The following KLF15 variants were observed in gnomAD, a reference collection of about 807,000 sequenced individuals.
The protein encoded by KLF15 is Krueppel-like factor 15.
Under a neutral mutation model 24.6 loss-of-function variants are expected in KLF15, and 4 were observed. That is an observed-to-expected ratio of 0.16 (90% confidence interval 0.08 to 0.37). The LOEUF is 0.37. Ranked by LOEUF, KLF15 falls within the 10% of genes least tolerant of loss-of-function variation. The probability of loss-of-function intolerance (pLI) is 1.00; values close to 1 mark genes in which losing one functional copy is unlikely to be tolerated. For synonymous variants in KLF15, 246 were observed against 236.3 expected, an observed-to-expected ratio of 1.04 and a Z score of -0.37; for missense variants, 496 against 560.6, an observed-to-expected ratio of 0.88 and a Z score of 1.16.
rs1335647207 is a variant in KLF15, at chr3:126,352,191, C to T, written c.732G>A (p.Glu244=). 1.9e-6 allele frequency: 3 copies of T among 1,563,540 alleles called. No homozygotes were observed. Among genetic ancestry groups the T allele is most frequent in the East Asian group, 4.5e-5 (2 of 44,126 alleles). ...CCAGGAGCTGGGCAACCTTGACATT[C>T]TCTGGGGCTTGCCCAGGGGAGGCAG... ...TGPASPGQAP[E]NVKVAQLLVN... Residue 244 remains glutamate, a synonymous_variant, in exon 2 of 3, where the codon GAG becomes GAA. Transcript: ENST00000296233.
chr3:126,296,245 A>C, the KLF15 span, among the ~76,000 whole-genome samples: 1 of 152,188 alleles, frequency 6.6e-6, no homozygotes, highest in East Asian at 1.9e-4. Context: ...GTCTCGCTCT[A>C]TCGCCCAGGT....
the KLF15 span, among the ~76,000 whole-genome samples, chr3:126,323,423 ATATATATATATAACATATATATGT>A: frequency 0.043 from 1,238 of 29,038 alleles, 4 homozygotes; most frequent in East Asian, 0.087. Context: ...ATATATATAT[ATATATATATATAACATATATATGT>A]TATATATATA....
At chr3:126,308,300 T>C in the KLF15 span, among the ~76,000 whole-genome samples, 1 of 152,174 alleles carries the variant, frequency 6.6e-6, no homozygotes, top group African/African-American at 2.4e-5. Context: ...CTGGCGGCCT[T>C]GCAGAATTGA....
the KLF15 span, among the ~76,000 whole-genome samples, chr3:126,333,348 A>G: frequency 2.0e-5 from 3 of 147,454 alleles, no homozygotes; most frequent in African/African-American, 7.6e-5. Flanking sequence ...GAGAAATAAA[A>G]TACTTCACAG....
the KLF15 span, chr3:126,288,999 G>A: frequency 1.3e-5 from 2 of 152,160 alleles, no homozygotes; most frequent in African/African-American, 4.8e-5. Flanking sequence ...AAAGACTTCA[G>A]TAATTCACAC....
chr3:126,291,752 C>T, the KLF15 span, among the ~76,000 whole-genome samples: 11 of 152,178 alleles, frequency 7.2e-5, no homozygotes, highest in Middle Eastern at 3.2e-3. Context: ...AGCTGGTCAC[C>T]CAGGAATGTT....
At chr3:126,322,582 C>T in the KLF15 span, among the ~76,000 whole-genome samples, 1 of 152,208 alleles carries the variant, frequency 6.6e-6, no homozygotes, top group Non-Finnish European at 1.5e-5. Context: ...CGAAGGAAGT[C>T]CCTGCTGCCT....
chr3:126,299,997 G>A, the KLF15 span, among the ~76,000 whole-genome samples: 1 of 152,140 alleles, frequency 6.6e-6, no homozygotes, highest in Admixed American at 6.5e-5. Flanking sequence ...CATATGGGGT[G>A]TACGTGCCCC....
At chr3:126,342,381 T>C (rs1331113257), downstream of KLF15, among the ~76,000 whole-genome samples, 3 of 152,142 alleles carry the variant, frequency 2.0e-5, no homozygotes, top group Non-Finnish European at 4.4e-5. Flanking sequence ...GCTGTCGGAA[T>C]GTGGGCTGGA....
chr3:126,316,494 G>A, the KLF15 span, among the ~76,000 whole-genome samples: 1 of 148,876 alleles, frequency 6.7e-6, no homozygotes, highest in South Asian at 2.1e-4. Context: ...ACAGGCCGGA[G>A]TGGGACTGGG....
the KLF15 span, among the ~76,000 whole-genome samples, chr3:126,331,874 C>T: frequency 1.3e-5 from 2 of 152,106 alleles, no homozygotes; most frequent in East Asian, 1.9e-4. Flanking sequence ...CCTGGAAAAT[C>T]GGGTGAACCA....
chr3:126,327,923 A>G, the KLF15 span, among the ~76,000 whole-genome samples: 1 of 152,180 alleles, frequency 6.6e-6, no homozygotes, highest in Non-Finnish European at 1.5e-5. Context: ...TTGCTAGGTC[A>G]AAGAAAGATT....
rs1434041490 is a variant in KLF15, at chr3:126,356,463, G to A, written c.-26+774C>T. On this transcript the variant is annotated intron_variant, in intron 1 of 2. Coordinates refer to ENST00000296233, the MANE Select transcript of KLF15 (RefSeq NM_014079.4). The surrounding 1 kb of genome is among the most constrained non-coding windows in gnomAD (Gnocchi z 4.4). ...CGGACCACCATATGGGATGGGGACG[G>A]CCTCTCTGCCCCGCCGCCGCCATCC... Among the ~76,000 whole-genome samples, 1 of 152,160 alleles carries A rather than the reference G, an allele frequency of 6.6e-6. No homozygotes were observed. Among genetic ancestry groups the A allele is most frequent in the African/African-American group, 2.4e-5 (1 of 41,452 alleles).
the KLF15 span, among the ~76,000 whole-genome samples, chr3:126,326,892 A>C: frequency 6.6e-6 from 1 of 152,232 alleles, no homozygotes; most frequent in Non-Finnish European, 1.5e-5. Context: ...ATAATTAATA[A>C]ATAAATTTTT....
the KLF15 span, among the ~76,000 whole-genome samples, chr3:126,311,882 G>A: frequency 6.6e-6 from 1 of 152,226 alleles, no homozygotes; most frequent in Non-Finnish European, 1.5e-5. Flanking sequence ...GCTCAAAGGT[G>A]GGGAGGCCAC....
intron 2 of KLF15, among the ~76,000 whole-genome samples, chr3:126,347,734 G>A (rs1041582359): frequency 5.9e-5 from 9 of 152,188 alleles, no homozygotes; most frequent in African/African-American, 2.2e-4. Context: ...GCCCTGTTGA[G>A]GGTGCCAAAA....
chr3:126,302,115 A>T, the KLF15 span, among the ~76,000 whole-genome samples: 1 of 152,328 alleles, frequency 6.6e-6, no homozygotes, highest in Admixed American at 6.5e-5. Flanking sequence ...TTACAATTTT[A>T]AAAAATATCT....
At chr3:126,315,624 T>C in the KLF15 span, among the ~76,000 whole-genome samples, 5 of 152,266 alleles carry the variant, frequency 3.3e-5, no homozygotes, top group East Asian at 9.7e-4. Flanking sequence ...GCACACACTC[T>C]CACAGCTCAC....
the KLF15 span, among the ~76,000 whole-genome samples, chr3:126,292,311 C>T: frequency 6.6e-6 from 1 of 152,172 alleles, no homozygotes; most frequent in East Asian, 1.9e-4. Flanking sequence ...CCCCAAGTGA[C>T]TCTCCATTCC....
Sources: allele counts gnomAD v4.1 joint callset (sites outside exome capture counted in the v4.1 genomes callset), GRCh38; gene constraint gnomAD v4.1.1; non-coding constraint Gnocchi (gnomAD v3.1); transcripts MANE v1.5; gene names NCBI Gene and HGNC (gene_info 2026-07-23, HGNC 2026-07-21).